Variants in MGAM2 observed in about 807,000 individuals in gnomAD.
MGAM2 encodes the protein probable maltase-glucoamylase 2.
A neutral mutation model predicts 96.1 loss-of-function variants in MGAM2; 98 were observed. The observed-to-expected ratio is 1.02, with a 90% confidence interval of 0.87 to 1.21. The LOEUF is 1.21. Among genes scored for constraint, MGAM2 ranks in the 50% most tolerant of loss-of-function variants. MGAM2 has a pLI of 0.00. For synonymous variants in MGAM2, 749 were observed against 414.8 expected (o/e 1.81, Z -9.79); for missense variants, 2,055 against 1,182.4 (o/e 1.74, Z -10.82).
chr7:142,140,134 A>G (rs1348634926), intron 10 of MGAM2, among the ~76,000 whole-genome samples: 4 of 152,114 alleles, frequency 2.6e-5, no homozygotes, highest in African/African-American at 9.7e-5. Context: ...AGATTGGGGA[A>G]AAAAAGAGCA....
chr7:142,214,040 G>A (rs1245327493), intron 46 of MGAM2, among the ~76,000 whole-genome samples: 1 of 152,086 alleles, frequency 6.6e-6, no homozygotes, highest in East Asian at 1.9e-4. Context: ...CACATAAACA[G>A]AACCAATGAC....
At chr7:142,186,790 A>G (rs140954901) in intron 35 of MGAM2, among the ~76,000 whole-genome samples, 35 of 152,324 alleles carry the variant, frequency 2.3e-4, no homozygotes, top group African/African-American at 7.7e-4. Flanking sequence ...CTCCAGAGAC[A>G]AAAGTCCACT....
At chr7:142,183,460 T>C (rs1796600834) in intron 33 of MGAM2, 87 bp downstream of exon 33, 1 of 647,416 alleles carries the variant, frequency 1.5e-6, no homozygotes, top group Admixed American at 2.4e-5. Flanking sequence ...GAAAATATAT[T>C]GGACAATCAA....
chr7:142,168,333 G>A (rs1001325966), intron 26 of MGAM2, among the ~76,000 whole-genome samples: 2 of 150,946 alleles, frequency 1.3e-5, no homozygotes, highest in African/African-American at 2.4e-5. Context: ...GTAGTGGTGC[G>A]ATCTTGGCTC....
rs762345051 is a variant in MGAM2, at chr7:142,133,989, C to T, written c.584C>T (p.Thr195Met). 2.0e-5 allele frequency: 14 copies of T among 708,540 alleles called. No homozygotes were observed. The highest frequency in any genetic ancestry group is 3.1e-5 in the Non-Finnish European group (12 of 388,204). 43.9% of individuals were successfully genotyped at this position (708,540 alleles called of 1,614,324 possible). The part of the protein sequence containing the change: ...RTSNRRVLLD[T>M]SIGPLQFAQQ... ...CTTACCCCATGGCCCAGGTTGGACA[C>T]GAGCATCGGGCCCCTCCAGTTTGCC... Residue 195 changes from threonine to methionine, a missense_variant, in exon 7 of 48, where the codon ACG becomes ATG. Transcript: ENST00000477922.
At chr7:142,175,251 T>C (rs1389753573) in intron 31 of MGAM2, among the ~76,000 whole-genome samples, 1 of 152,186 alleles carries the variant, frequency 6.6e-6, no homozygotes, top group Non-Finnish European at 1.5e-5. Flanking sequence ...ATCAGCCAGA[T>C]TTACTGTAGA....
At chr7:142,166,639 A>G (rs1200304396) in intron 25 of MGAM2, among the ~76,000 whole-genome samples, 1 of 152,166 alleles carries the variant, frequency 6.6e-6, no homozygotes, top group Admixed American at 6.5e-5. Context: ...GATTTCCTCT[A>G]GATTACATGG....
At chr7:142,142,988 C>A (rs572841420) in intron 12 of MGAM2, among the ~76,000 whole-genome samples, 2 of 152,330 alleles carry the variant, frequency 1.3e-5, no homozygotes, top group East Asian at 3.9e-4. Flanking sequence ...TGATGCCCAT[C>A]GCCTAAAACA....
chr7:142,208,394 C>T (rs779254835), intron 45 of MGAM2, 179 bp from the exon 46 acceptor site: 2 of 657,520 alleles, frequency 3.0e-6, no homozygotes, highest in Admixed American at 2.1e-5. Context: ...TTTGCACATC[C>T]CCACACTAAC....
Position 142,132,000 on chromosome 7 carries a change from G to A in MGAM2, c.490G>A (p.Asp164Asn), listed in dbSNP as rs1384372413. The change falls in exon 6 of 48, where the codon GAT becomes AAT. Residue 164 changes from aspartate (D) to asparagine (N), a missense_variant. By Grantham distance (23) the Asp-to-Asn change is conservative. Transcript: ENST00000477922. ...ENINLVDGIA[D>N]ASNLSYYVEV... The stretch of plus-strand genomic sequence containing the variant: ...TATTAACCTGGTTGATGGGATTGCT[G>A]ATGCCTCCAATTTGAGCTATTACGT... 7 of 702,924 alleles carry A rather than the reference G, an allele frequency of 1.0e-5. No individual in the cohort carries two copies. Among genetic ancestry groups the A allele is most frequent in the African/African-American group, 7.0e-5 (4 of 57,220 alleles). 43.5% of individuals were successfully genotyped at this position (702,924 alleles called of 1,614,324 possible).
In MGAM2 at chr7:142,146,194, A is replaced by G. The variant is rs543544447; in HGVS notation, c.1516+1249A>G. On this transcript the variant is annotated intron_variant, in intron 14 of 47. Transcript: ENST00000477922. Reference sequence around the variant, plus strand: ...CTCAATCCTCTTTTTGGCCAAAACTAAATTTTGTTTTTGATTTTTTTTTTT... The same window carrying G: ...CTCAATCCTCTTTTTGGCCAAAACTGAATTTTGTTTTTGATTTTTTTTTTT... Among the ~76,000 whole-genome samples the G allele has an allele frequency of 1.0e-3, 88 of 86,462 alleles. 1 individual carries two copies. The highest frequency in any genetic ancestry group is 2.5e-3 in the African/African-American group (52 of 20,598). 56.7% of individuals were successfully genotyped at this position (86,462 alleles called of 152,430 possible). A position where few individuals can be genotyped will look rare whatever the true frequency, so the allele number is the denominator to read the frequency against.
In MGAM2 at chr7:142,221,259, A is replaced by G. The variant is rs536134983; in HGVS notation, c.6748A>G (p.Ile2250Val). Residue 2250 changes from isoleucine (I) to valine (V), a missense_variant, in exon 48 of 48, where the codon ATA (isoleucine) becomes GTA (valine). Ile to Val is a conservative substitution (Grantham distance 29, BLOSUM62 3). Coordinates refer to ENST00000477922, the MANE Select transcript of MGAM2 (RefSeq NM_001293626.2). ...TTTAGCTACAATGTCTGCTGGTAATATAACTAGTAATAGTATTTCCATAAC... is the reference window on the plus strand; with the variant it reads ...TTTAGCTACAATGTCTGCTGGTAATGTAACTAGTAATAGTATTTCCATAAC... The part of the protein sequence containing the change: ...FLLATMSAGN[I>V]TSNSISITTT... The G allele has an allele frequency of 1.4e-6, 1 of 695,884 alleles. No individual in the cohort carries two copies. Among genetic ancestry groups the G allele is most frequent in the East Asian group, 2.7e-5 (1 of 37,192 alleles). The allele number at this position is 695,884 out of a possible 1,614,324, so 43.1% of individuals were successfully genotyped here. A position where few individuals can be genotyped will look rare whatever the true frequency, so the allele number is the denominator to read the frequency against.
intron 46 of MGAM2, among the ~76,000 whole-genome samples, chr7:142,214,464 AG>A (rs1453944120): frequency 1.4e-4 from 21 of 152,240 alleles, no homozygotes; most frequent in African/African-American, 5.1e-4. Context: ...GCAAAGTCTC[AG>A]GATACAAAAT....
Position 142,159,308 on chromosome 7 carries a change from T to C in MGAM2, c.2185T>C (p.Tyr729His), listed in dbSNP as rs1795823386. The change falls in exon 20 of 48, where the codon TAC becomes CAC. Residue 729 changes from tyrosine (Y) to histidine (H), a missense_variant. Physicochemically the swap from Tyr to His is moderately conservative, Grantham distance 83. Coordinates refer to ENST00000477922, the MANE Select transcript of MGAM2 (RefSeq NM_001293626.2). ...CTAGGGTGTGGACGAAGTGAAAGCA[T>C]ACATACCTGATGCCACCTGGTATGA... is the stretch of plus-strand genomic sequence containing the variant. ...LYEGVDEVKA[Y>H]IPDATWYDYE... 1 of 702,564 alleles carries C rather than the reference T, an allele frequency of 1.4e-6. No individual in the cohort carries two copies. The highest frequency in any genetic ancestry group is 2.6e-6 in the Non-Finnish European group (1 of 384,668). The allele number at this position is 702,564 out of a possible 1,614,324, so 43.5% of individuals were successfully genotyped here. A position where few individuals can be genotyped will look rare whatever the true frequency, so the allele number is the denominator to read the frequency against.
At chr7:142,129,301 G>C (rs923812816) in intron 3 of MGAM2, among the ~76,000 whole-genome samples, 1 of 152,138 alleles carries the variant, frequency 6.6e-6, no homozygotes. Context: ...ATAGGCTAAA[G>C]GGACTTGCCT....
chr7:142,135,950 G>T (rs1345260316), intron 7 of MGAM2, among the ~76,000 whole-genome samples: 1 of 151,882 alleles, frequency 6.6e-6, no homozygotes, highest in African/African-American at 2.4e-5. Context: ...TAATATTTTG[G>T]TATACATCAT....
intron 3 of MGAM2, among the ~76,000 whole-genome samples, chr7:142,124,571 A>T (rs1179187284): frequency 6.6e-6 from 1 of 152,112 alleles, no homozygotes; most frequent in Admixed American, 6.5e-5. Context: ...TTCTGAATAC[A>T]TTTTAATTTT....
At position 142,193,609 on chromosome 7, in the gene MGAM2, T is replaced by A. The variant is rs562637677; in HGVS notation, c.4347-2545T>A. Reference sequence around the variant, plus strand: ...GAGGTTCATAATATGCCCTGCTGCATATGCTCTGTGTGCTTTTGCTAGTTT... The same window carrying A: ...GAGGTTCATAATATGCCCTGCTGCAAATGCTCTGTGTGCTTTTGCTAGTTT... On this transcript the variant is annotated intron_variant, in intron 37 of 47. Coordinates refer to ENST00000477922, the MANE Select transcript of MGAM2 (RefSeq NM_001293626.2). Among the ~76,000 whole-genome samples, 4 of 152,340 alleles carry A rather than the reference T, an allele frequency of 2.6e-5. No homozygotes were observed. The East Asian group carries it at 7.7e-4, about 29-fold the overall frequency.
chr7:142,123,467 C>T (rs914878747), intron 3 of MGAM2, among the ~76,000 whole-genome samples: 26 of 152,084 alleles, frequency 1.7e-4, no homozygotes, highest in Non-Finnish European at 3.2e-4. Context: ...TCCTAATCAA[C>T]GCTTGGTGTT....
Sources: allele counts gnomAD v4.1 joint callset (sites outside exome capture counted in the v4.1 genomes callset), GRCh38; gene constraint gnomAD v4.1.1; transcripts MANE v1.5; gene names NCBI Gene and HGNC (gene_info 2026-07-23, HGNC 2026-07-21).